CSMD1: variants seen among roughly 807,000 people sequenced by gnomAD.
The protein encoded by CSMD1 is CUB and Sushi multiple domains 1, also known as CUB and sushi domain-containing protein 1.
CSMD1 carries 213 observed loss-of-function variants against 417.5 expected under a neutral mutation model. The ratio of observed to expected loss-of-function variants is 0.51; its 90% CI spans 0.46 to 0.57. The LOEUF is 0.57. Ranked by LOEUF, CSMD1 falls within the 20% of genes least tolerant of loss-of-function variation. The pLI is 0.00. For synonymous variants in CSMD1, 2,862 were observed against 1,736.8 expected (o/e 1.65, Z -16.11); for missense variants, 6,923 against 4,529.7 (o/e 1.53, Z -15.17).
chr8:4,905,830 A>AG (rs1378106754), intron 1 of CSMD1, among the ~76,000 whole-genome samples: 4 of 142,258 alleles, frequency 2.8e-5, no homozygotes, highest in Non-Finnish European at 6.0e-5. Context: ...AAAAAAAAAA[A>AG]AAAAGAAAAA....
intron 42 of CSMD1, among the ~76,000 whole-genome samples, chr8:3,114,082 CAAA>C (rs1243517749): frequency 2.2e-5 from 3 of 136,722 alleles, no homozygotes; most frequent in Admixed American, 7.5e-5. Flanking sequence ...AACAAACAAA[CAAA>C]AAACATTAAT....
At chr8:3,317,362 C>G (rs1805842115) in intron 23 of CSMD1, among the ~76,000 whole-genome samples, 1 of 152,198 alleles carries the variant, frequency 6.6e-6, no homozygotes, top group South Asian at 2.1e-4. Flanking sequence ...GACATCCTAA[C>G]AAATAGTAAT....
At chr8:3,745,735 A>T (rs143972999) in intron 6 of CSMD1, among the ~76,000 whole-genome samples, 13 of 152,318 alleles carry the variant, frequency 8.5e-5, no homozygotes, top group Admixed American at 7.8e-4. Context: ...TATTTCATTA[A>T]GCAACAGCTT....
chr8:4,934,448 C>G (rs938940254), intron 1 of CSMD1, among the ~76,000 whole-genome samples: 29 of 152,130 alleles, frequency 1.9e-4, no homozygotes, highest in African/African-American at 6.8e-4. Context: ...AAACCTCTAG[C>G]TTGTATTCAC....
chr8:4,509,463 G>A (rs1332347247), intron 2 of CSMD1, among the ~76,000 whole-genome samples: 1 of 152,162 alleles, frequency 6.6e-6, no homozygotes, highest in Non-Finnish European at 1.5e-5. Flanking sequence ...TCCAGCAAGA[G>A]CAGTAAACCT....
chr8:3,661,871 C>G (rs763806279), intron 7 of CSMD1, among the ~76,000 whole-genome samples: 1 of 151,896 alleles, frequency 6.6e-6, no homozygotes. Context: ...TGTTGAAGGA[C>G]GACACATAGG....
intron 3 of CSMD1, among the ~76,000 whole-genome samples, chr8:4,177,199 A>G (rs1584963503): frequency 6.6e-6 from 1 of 152,200 alleles, no homozygotes; most frequent in Non-Finnish European, 1.5e-5. Flanking sequence ...TCCTCAGCAA[A>G]TGTAAAAGAA....
chr8:4,137,248 G>A (rs1163829108), intron 3 of CSMD1, among the ~76,000 whole-genome samples: 1 of 152,080 alleles, frequency 6.6e-6, no homozygotes, highest in Admixed American at 6.6e-5. Flanking sequence ...CTCTTTTCTG[G>A]TAGCTATGAG....
intron 2 of CSMD1, among the ~76,000 whole-genome samples, chr8:4,502,565 A>G (rs1802312820): frequency 6.6e-6 from 1 of 152,210 alleles, no homozygotes; most frequent in South Asian, 2.1e-4. Context: ...GTTATTTCAG[A>G]CAAAAAACTT....
At chr8:3,106,894 C>A in intron 45 of CSMD1, 1 of 328,498 alleles carries the variant, frequency 3.0e-6, no homozygotes, top group Non-Finnish European at 5.5e-6. Flanking sequence ...CTGAGGCATC[C>A]GTGTTGGTTT....
intron 40 of CSMD1, among the ~76,000 whole-genome samples, chr8:3,151,064 T>C (rs1819164075): frequency 1.3e-5 from 2 of 152,186 alleles, no homozygotes; most frequent in Non-Finnish European, 2.9e-5. Context: ...ATAACCATTA[T>C]TGACTTCCAG....
intron 3 of CSMD1, among the ~76,000 whole-genome samples, chr8:4,114,958 A>G (rs1049242164): frequency 6.6e-6 from 1 of 152,226 alleles, no homozygotes; most frequent in Non-Finnish European, 1.5e-5. Context: ...GATGCCATAA[A>G]CATTGTTGAA....
chr8:4,629,541 T>G (rs557408468), intron 2 of CSMD1, among the ~76,000 whole-genome samples: 1 of 152,348 alleles, frequency 6.6e-6, no homozygotes, highest in South Asian at 2.1e-4. Flanking sequence ...CTTTCATACT[T>G]ATTAGAAATA....
At chr8:4,682,680 G>A (rs1437173775) in intron 1 of CSMD1, among the ~76,000 whole-genome samples, 1 of 151,698 alleles carries the variant, frequency 6.6e-6, no homozygotes, top group Non-Finnish European at 1.5e-5. Context: ...ATAGTGTACA[G>A]CTTCTTACCT....
chr8:3,995,332 A>G (rs1034561352), intron 5 of CSMD1, among the ~76,000 whole-genome samples: 1 of 152,182 alleles, frequency 6.6e-6, no homozygotes, highest in East Asian at 1.9e-4. Context: ...CTGTGTTAAG[A>G]TACTTCTTTT....
chr8:3,580,211 T>G (rs994889166), intron 9 of CSMD1, among the ~76,000 whole-genome samples: 1 of 152,288 alleles, frequency 6.6e-6, no homozygotes, highest in South Asian at 2.1e-4. Context: ...GTTTCTTGCC[T>G]TCAGCAGGAA....
intron 3 of CSMD1, among the ~76,000 whole-genome samples, chr8:4,199,274 C>T (rs1016379249): frequency 3.7e-4 from 56 of 152,294 alleles, no homozygotes; most frequent in African/African-American, 1.3e-3. Context: ...ACATCTTCTG[C>T]TATGGTCATT....
At chr8:3,848,353 G>C (rs116889809) in intron 5 of CSMD1, among the ~76,000 whole-genome samples, 1 of 151,726 alleles carries the variant, frequency 6.6e-6, no homozygotes, top group Non-Finnish European at 1.5e-5. Flanking sequence ...ATTAAAGAGA[G>C]TAACTAGAAA....
chr8:3,873,241 G>C (rs776394418), intron 5 of CSMD1, among the ~76,000 whole-genome samples: 1 of 152,080 alleles, frequency 6.6e-6, no homozygotes, highest in Non-Finnish European at 1.5e-5. Flanking sequence ...CTATCATAAA[G>C]ACACATGCAG....
Sources: allele counts gnomAD v4.1 joint callset (sites outside exome capture counted in the v4.1 genomes callset), GRCh38; gene constraint gnomAD v4.1.1; transcripts MANE v1.5; gene names NCBI Gene and HGNC (gene_info 2026-07-23, HGNC 2026-07-21).